CUBN: variants seen among roughly 807,000 people sequenced by gnomAD.
CUBN encodes cubilin, also known as 460 kDa receptor.
Under a neutral mutation model 405.3 loss-of-function variants are expected in CUBN, and 282 were observed. The ratio of observed to expected loss-of-function variants is 0.70; its 90% CI spans 0.63 to 0.77. The LOEUF is 0.77. CUBN is among the 30% of genes least tolerant of loss of function. CUBN has a pLI of 0.00. For synonymous variants in CUBN, 1,684 were observed against 1,617.0 expected, an observed-to-expected ratio of 1.04 and a Z score of -0.99; for missense variants, 4,514 against 4,475.2, an observed-to-expected ratio of 1.01 and a Z score of -0.25.
intron 17 of CUBN, among the ~76,000 whole-genome samples, chr10:17,080,126 G>T (rs1835935941): frequency 6.6e-6 from 1 of 152,160 alleles, no homozygotes; most frequent in Non-Finnish European, 1.5e-5. Context: ...CACAGGTTTT[G>T]ATACACAGCA....
In CUBN at chr10:17,088,204, C is replaced by G; in HGVS notation, c.1907G>C (p.Ser636Thr). 6.2e-7 allele frequency: 1 copy of G among 1,613,780 alleles called. No individual in the cohort carries two copies. Among genetic ancestry groups the G allele is most frequent in the Non-Finnish European group, 8.5e-7 (1 of 1,179,792 alleles). The stretch of plus-strand genomic sequence containing the variant: ...GTTGCAGTCATCATGGTGCTCGAGG[C>G]TCAAGGTCCCAAAAGTAAATGTTAC... ...LLVTFTFGTL[S>T]LEHHDDCNKD... is the part of the protein sequence containing the mutation. The change falls in exon 15 of 67, where the codon AGC becomes ACC. Residue 636 changes from serine (S) to threonine (T), a missense_variant. Around this residue, in one of 5 missense-constraint regions of CUBN, gnomAD observed 1,448 missense variants for 1,388.0 expected, o/e 1.04. Coordinates refer to ENST00000377833, the MANE Select transcript of CUBN (RefSeq NM_001081.4).
At chr10:17,050,594 G>T (rs1332764234) in intron 22 of CUBN, among the ~76,000 whole-genome samples, 2 of 152,218 alleles carry the variant, frequency 1.3e-5, no homozygotes, top group African/African-American at 4.8e-5. Flanking sequence ...CAGAAAGCAT[G>T]TCAGACAGGA....
intron 21 of CUBN, among the ~76,000 whole-genome samples, chr10:17,066,547 T>C (rs1457022165): frequency 6.6e-6 from 1 of 152,116 alleles, no homozygotes; most frequent in African/African-American, 2.4e-5. Flanking sequence ...AAAAATTTAA[T>C]ATCTTCATCA....
intron 36 of CUBN, among the ~76,000 whole-genome samples, chr10:16,941,032 G>A (rs1564436726): frequency 6.6e-6 from 1 of 152,204 alleles, no homozygotes; most frequent in Non-Finnish European, 1.5e-5. Flanking sequence ...TACCTCATAT[G>A]ATGTTCATAG....
Position 17,100,171 on chromosome 10 carries a change from C to T in CUBN, c.1599G>A (p.Gln533=). The T allele has an allele frequency of 1.9e-6, 3 of 1,614,048 alleles. No individual in the cohort carries two copies. The highest frequency in any genetic ancestry group is 1.3e-5 in the African/African-American group (1 of 75,040). The change falls in exon 14 of 67, where the codon CAG becomes CAA. Residue 533 remains glutamine (Q), a synonymous_variant. Coordinates refer to ENST00000377833, the MANE Select transcript of CUBN (RefSeq NM_001081.4). ...SMDNCPHEFL[Q]VYDGDSSSAF... ...CAGAAGAGGAATCTCCATCATAAAC[C>T]TGAAGAAACTCGTGTGGACAGTTGT...
At chr10:16,947,141 AC>A (rs762586463) in intron 36 of CUBN, 93 bp downstream of exon 36, 13 of 1,318,868 alleles carry the variant, frequency 9.9e-6, no homozygotes, top group African/African-American at 1.5e-5. Flanking sequence ...CCTAAATTTC[AC>A]GTACACTATG....
intron 12 of CUBN, among the ~76,000 whole-genome samples, chr10:17,104,077 T>C (rs1836562574): frequency 1.3e-5 from 2 of 152,220 alleles, no homozygotes; most frequent in Admixed American, 6.5e-5. Flanking sequence ...CTTGATTCAA[T>C]GCAGTACTCT....
At chr10:16,856,902 G>A (rs979478871) in intron 59 of CUBN, among the ~76,000 whole-genome samples, 4 of 152,158 alleles carry the variant, frequency 2.6e-5, no homozygotes, top group Admixed American at 6.5e-5. Context: ...AGGGAAATTC[G>A]AGCACACCTA....
intron 59 of CUBN, among the ~76,000 whole-genome samples, chr10:16,867,648 GC>G (rs1564394045): frequency 6.6e-6 from 1 of 152,186 alleles, no homozygotes; most frequent in Non-Finnish European, 1.5e-5. Flanking sequence ...CACAATGCTG[GC>G]AAGGAGTTCC....
chr10:16,878,167 A>G (rs543434234), intron 56 of CUBN, among the ~76,000 whole-genome samples: 13 of 152,290 alleles, frequency 8.5e-5, no homozygotes, highest in Admixed American at 3.3e-4. Flanking sequence ...GCGCGCCTGT[A>G]GTCCCAGCTA....
At chr10:17,071,387 T>A (rs1231194267) in intron 19 of CUBN, 39 bp downstream of exon 19, 7 of 1,595,078 alleles carry the variant, frequency 4.4e-6, no homozygotes, top group Non-Finnish European at 4.3e-6. Context: ...TTTTATAATA[T>A]ACAACCAAAT....
Position 17,105,550 on chromosome 10 carries a change from G to A in CUBN, c.1137C>T (p.Leu379=), listed in dbSNP as rs1158070852. 1.9e-6 allele frequency: 3 copies of A among 1,608,888 alleles called. No homozygotes were observed. Among genetic ancestry groups the A allele is most frequent in the South Asian group, 1.1e-5 (1 of 91,006 alleles). ...TLGSLPLCTC[L]PGYTGNGYGP... is the part of the protein sequence containing the mutation. ...CATAACCATTTCCAGTATAACCCGG[G>A]AGACACGTGCAGAGAGGTAAGGAAC... Residue 379 remains leucine (L), a synonymous_variant, in exon 11 of 67, where the codon CTC becomes CTT. Coordinates refer to ENST00000377833, the MANE Select transcript of CUBN (RefSeq NM_001081.4).
At chr10:17,112,072 A>G (rs1233373509) in intron 8 of CUBN, among the ~76,000 whole-genome samples, 1 of 152,246 alleles carries the variant, frequency 6.6e-6, no homozygotes, top group Non-Finnish European at 1.5e-5. Context: ...CATTAGGAAG[A>G]TGAGATTTAA....
chr10:16,900,343 A>C (rs1246342122), intron 53 of CUBN, among the ~76,000 whole-genome samples: 2 of 152,228 alleles, frequency 1.3e-5, no homozygotes, highest in African/African-American at 4.8e-5. Flanking sequence ...TGTTGAGATC[A>C]AAGTTTCTGG....
chr10:16,837,058 C>A (rs948484621), intron 62 of CUBN, among the ~76,000 whole-genome samples: 3 of 152,026 alleles, frequency 2.0e-5, no homozygotes, highest in Non-Finnish European at 4.4e-5. Context: ...ACACCCCACC[C>A]GTCTCTGCTT....
chr10:16,933,044 A>T, intron 40 of CUBN, 43 bp downstream of exon 40: 1 of 1,582,988 alleles, frequency 6.3e-7, no homozygotes, highest in Non-Finnish European at 8.7e-7. Context: ...AGAACTAATT[A>T]TGTGTCAGGG....
intron 48 of CUBN, among the ~76,000 whole-genome samples, chr10:16,911,340 C>T (rs574308949): frequency 4.6e-5 from 7 of 152,182 alleles, no homozygotes; most frequent in South Asian, 2.1e-4. Flanking sequence ...GCGTGACATA[C>T]GTATTTTGGG....
At chr10:16,854,066 A>C (rs1839798221) in intron 59 of CUBN, among the ~76,000 whole-genome samples, 1 of 152,226 alleles carries the variant, frequency 6.6e-6, no homozygotes, top group Non-Finnish European at 1.5e-5. Context: ...AGTTTTGCAA[A>C]AAGATGAAGA....
chr10:16,888,723 T>G (rs1840897490), intron 55 of CUBN, among the ~76,000 whole-genome samples, 157 bp from the exon 56 acceptor site: 1 of 152,240 alleles, frequency 6.6e-6, no homozygotes, highest in African/African-American at 2.4e-5. Flanking sequence ...AAGCTCTGAT[T>G]TAAAAACATA....
Sources: allele counts gnomAD v4.1 joint callset (sites outside exome capture counted in the v4.1 genomes callset), GRCh38; gene constraint gnomAD v4.1.1; regional missense constraint gnomAD v4.1.1; transcripts MANE v1.5; gene names NCBI Gene and HGNC (gene_info 2026-07-23, HGNC 2026-07-21).